BAP1: variants seen among roughly 807,000 people sequenced by gnomAD.
BAP1 encodes the protein BRCA1 associated deubiquitinase 1, also known as ubiquitin carboxyl-terminal hydrolase BAP1.
Under a neutral mutation model 77.2 loss-of-function variants are expected in BAP1, and 16 were observed. That is an observed-to-expected ratio of 0.21 (90% CI 0.14 to 0.31). BAP1 has a LOEUF of 0.31. Among genes scored for constraint, BAP1 ranks in the 10% least tolerant of loss-of-function variants. BAP1 has a pLI of 1.00. For synonymous variants in BAP1, 362 were observed against 385.2 expected (o/e 0.94, Z 0.71); for missense variants, 699 against 967.3 (o/e 0.72, Z 3.68).
chr3:52,409,639 G>C (rs377477683), intron 2 of BAP1, 31 bp from the exon 3 acceptor site: 4 of 1,614,096 alleles, frequency 2.5e-6, no homozygotes, highest in Non-Finnish European at 3.4e-6. Context: ...CAGTAGGGAA[G>C]GACAGCCCCT....
chr3:52,408,826 C>A (rs1384215468), intron 3 of BAP1, among the ~76,000 whole-genome samples: 1 of 152,222 alleles, frequency 6.6e-6, no homozygotes, highest in Non-Finnish European at 1.5e-5. Flanking sequence ...AAGCCTCTGA[C>A]TGTGATGCTC....
rs878854738 is a variant in BAP1 at position 52,404,446 on chromosome 3, G to C, written c.1250+7C>G. The stretch of plus-strand genomic sequence containing the variant: ...AGAACCTGGTAGCCTTAGAAAGCTG[G>C]GCTGACCTAAGGGCAGAGTTGGTGT... On this transcript the variant is annotated splice_region_variant and intron_variant, in intron 12 of 16. Transcript: ENST00000460680. 11 of 1,614,218 alleles carry C rather than the reference G, an allele frequency of 6.8e-6. No individual in the cohort carries two copies. The highest frequency in any genetic ancestry group is 9.3e-6 in the Non-Finnish European group (11 of 1,180,040).
intron 11 of BAP1, among the ~76,000 whole-genome samples, chr3:52,404,843 T>C (rs1705098216): frequency 6.6e-6 from 1 of 152,114 alleles, no homozygotes; most frequent in South Asian, 2.1e-4. Context: ...ACCCAACCCA[T>C]GAAGTTGTAC....
Position 52,406,112 on chromosome 3 carries a change from G to T in BAP1, c.783+141C>A. 1 of 1,533,082 alleles carries T rather than the reference G, an allele frequency of 6.5e-7. No homozygotes were observed. The highest frequency in any genetic ancestry group is 8.9e-7 in the Non-Finnish European group (1 of 1,120,136). The allele number at this position is 1,533,082 out of a possible 1,614,324, so 95.0% of individuals were successfully genotyped here. On this transcript the variant is annotated intron_variant, in intron 9 of 16. Transcript: ENST00000460680. The surrounding 1 kb of genome is among the most constrained non-coding windows in gnomAD (Gnocchi z 4.6). Reference sequence around the variant, plus strand: ...CAAGTCCCACCTTTCCCACAATGGGGGCAAAGAAAAGATGTGGTTAGCTGA... The same window carrying T: ...CAAGTCCCACCTTTCCCACAATGGGTGCAAAGAAAAGATGTGGTTAGCTGA...
Position 52,404,468 on chromosome 3 carries a change from G to A in BAP1, c.1235C>T (p.Thr412Ile), listed in dbSNP as rs760363108. ...EDDEEDDVQN[T>I]NSALRYKGKG... ...CTGGGCTGACCTAAGGGCAGAGTTGGTGTTCTGCACGTCATCCTCCTCGTC... is the reference window on the plus strand; with the variant it reads ...CTGGGCTGACCTAAGGGCAGAGTTGATGTTCTGCACGTCATCCTCCTCGTC... The change falls in exon 12 of 17, where the codon ACC becomes ATC. Residue 412 changes from threonine (T) to isoleucine (I), a missense_variant. By Grantham distance (89) the Thr-to-Ile change is moderately conservative. This residue lies in a region of BAP1 where 475 missense variants were observed against 532.4 expected (regional missense o/e 0.89). Coordinates refer to ENST00000460680, the MANE Select transcript of BAP1 (RefSeq NM_004656.4). 7 of 1,614,222 alleles carry A rather than the reference G, an allele frequency of 4.3e-6. No individual in the cohort carries two copies. Among genetic ancestry groups the A allele is most frequent in the Non-Finnish European group, 5.9e-6 (7 of 1,180,040 alleles).
Position 52,406,560 on chromosome 3 carries a change from T to C in BAP1, c.660-184A>G. On this transcript the variant is annotated intron_variant, in intron 8 of 16. Coordinates refer to ENST00000460680, the MANE Select transcript of BAP1 (RefSeq NM_004656.4). This position sits in a 1 kb window ranked among gnomAD's most constrained non-coding sequence, Gnocchi z 4.6. The stretch of plus-strand genomic sequence containing the variant: ...CCTGAGCTGGTACCTTCCAACAAGC[T>C]GTATGAGGGGCCTATCTGGAAGTGA... 1 of 994,878 alleles carries C rather than the reference T, an allele frequency of 1.0e-6. No individual in the cohort carries two copies. Among genetic ancestry groups the C allele is most frequent in the Admixed American group, 2.0e-5 (1 of 48,842 alleles). 61.6% of individuals were successfully genotyped at this position (994,878 alleles called of 1,614,324 possible).
chr3:52,405,981 C>T (rs774407753), intron 9 of BAP1, 69 bp from the exon 10 acceptor site: 10 of 1,603,604 alleles, frequency 6.2e-6, no homozygotes, highest in Non-Finnish European at 8.5e-6. Flanking sequence ...TAGCTAAGGG[C>T]TGAGGACCTA....
chr3:52,404,924 C>T (rs532982374), intron 11 of BAP1, among the ~76,000 whole-genome samples, 186 bp downstream of exon 11: 3 of 152,346 alleles, frequency 2.0e-5, no homozygotes, highest in South Asian at 4.1e-4. Context: ...GCTCTCCCTG[C>T]CTCCCTAAGC....
Position 52,405,898 on chromosome 3 carries a change from T to C in BAP1, c.798A>G (p.Thr266=), listed in dbSNP as rs1705141974. 6.2e-7 allele frequency: 1 copy of C among 1,613,972 alleles called. No homozygotes were observed. The highest frequency in any genetic ancestry group is 1.3e-5 in the African/African-American group (1 of 74,922). Reference sequence around the variant, plus strand: ...TGTGGGTCTGAATCAGCTCTGGCTGTGTTACTCTTATCAGCTAACAACAGA... The same window carrying C: ...TGTGGGTCTGAATCAGCTCTGGCTGCGTTACTCTTATCAGCTAACAACAGA... ...LEALQQLIRV[T]QPELIQTHKS... is the part of the protein sequence containing the mutation. Residue 266 remains threonine, a synonymous_variant, in exon 10 of 17, where the codon ACA becomes ACG. Transcript: ENST00000460680.
In BAP1 at chr3:52,406,057, C is replaced by T. The variant is rs1442689757; in HGVS notation, c.784-145G>A. ...AAATAAAACACCCAAACCCAAACTT[C>T]CTTTTAGAAGCTATTCTCCCTCCCC... is the stretch of plus-strand genomic sequence containing the variant. On this transcript the variant is annotated intron_variant, in intron 9 of 16. Coordinates refer to ENST00000460680, the MANE Select transcript of BAP1 (RefSeq NM_004656.4). The surrounding 1 kb of genome is among the most constrained non-coding windows in gnomAD (Gnocchi z 4.6). 1.3e-6 allele frequency: 2 copies of T among 1,494,370 alleles called. No homozygotes were observed. The highest frequency in any genetic ancestry group is 1.4e-5 in the African/African-American group (1 of 72,414). 92.6% of individuals were successfully genotyped at this position (1,494,370 alleles called of 1,614,324 possible). A position where few individuals can be genotyped will look rare whatever the true frequency, so the allele number is the denominator to read the frequency against.
At position 52,402,039 on chromosome 3, in the gene BAP1, G is replaced by A; in HGVS notation, c.*249C>T. On this transcript the variant is annotated 3_prime_UTR_variant, in exon 17 of 17. Transcript: ENST00000460680. The surrounding 1 kb of genome is among the most constrained non-coding windows in gnomAD (Gnocchi z 5.3). ...GTCCTGCTGCTCCACAGCCGGCTGT[G>A]GAGGAAGCTGCAGTACCTCGCTGTG... 1.6e-6 allele frequency: 1 copy of A among 622,514 alleles called. No individual in the cohort carries two copies. The highest frequency in any genetic ancestry group is 2.8e-6 in the Non-Finnish European group (1 of 361,934). The allele number at this position is 622,514 out of a possible 1,614,324, so 38.6% of individuals were successfully genotyped here.
At position 52,407,395 on chromosome 3, in the gene BAP1, AC is replaced by A. The variant is rs757063339; in HGVS notation, c.437+3del. 6.2e-7 allele frequency: 1 copy of A among 1,614,160 alleles called. No individual in the cohort carries two copies. The highest frequency in any genetic ancestry group is 1.6e-4 in the Middle Eastern group (1 of 6,062). On this transcript the variant is annotated splice_donor_region_variant and intron_variant, in intron 6 of 16. Transcript: ENST00000460680. Reference sequence around the variant, plus strand: ...CCACATCAGCTCCCACAGCTCCCACACACCTGGCATGGCTATTATGGGCCTT... The same window carrying A: ...CCACATCAGCTCCCACAGCTCCCACAACCTGGCATGGCTATTATGGGCCTT...
rs2153227540 is a variant in BAP1 at position 52,406,435 on chromosome 3, A to T, written c.660-59T>A. On this transcript the variant is annotated intron_variant, in intron 8 of 16. Transcript: ENST00000460680. This position sits in a 1 kb window ranked among gnomAD's most constrained non-coding sequence, Gnocchi z 4.6. ...CCGCCCCGGCCCCGCCATCAGGTTGAGGCAGATATCCTGGCAGGGCTCCCT... is the reference window on the plus strand; with the variant it reads ...CCGCCCCGGCCCCGCCATCAGGTTGTGGCAGATATCCTGGCAGGGCTCCCT... 1 of 1,606,066 alleles carries T rather than the reference A, an allele frequency of 6.2e-7. No homozygotes were observed.
In BAP1 at chr3:52,401,898, A is replaced by G. The variant is rs1704967164; in HGVS notation, c.*390T>C. 1 of 375,990 alleles carries G rather than the reference A, an allele frequency of 2.7e-6. No individual in the cohort carries two copies. Among genetic ancestry groups the G allele is most frequent in the Non-Finnish European group, 5.0e-6 (1 of 201,492 alleles). 23.3% of individuals were successfully genotyped at this position (375,990 alleles called of 1,614,324 possible). A position where few individuals can be genotyped will look rare whatever the true frequency, so the allele number is the denominator to read the frequency against. ...CCACCAGGACAGCTCCTAGGAGAGA[A>G]AGCATAGTCAGGTAGGAACTTATGT... is the stretch of plus-strand genomic sequence containing the variant. On this transcript the variant is annotated 3_prime_UTR_variant, in exon 17 of 17. Transcript: ENST00000460680.
At chr3:52,407,081 G>T in intron 7 of BAP1, 93 bp downstream of exon 7, 1 of 1,596,378 alleles carries the variant, frequency 6.3e-7, no homozygotes, top group South Asian at 1.1e-5. Flanking sequence ...GACAACCCCT[G>T]CCACTGGGTA....
At position 52,406,574 on chromosome 3, in the gene BAP1, A is replaced by G. The variant is rs888839708; in HGVS notation, c.660-198T>C. On this transcript the variant is annotated intron_variant, in intron 8 of 16. Coordinates refer to ENST00000460680, the MANE Select transcript of BAP1 (RefSeq NM_004656.4). This position sits in a 1 kb window ranked among gnomAD's most constrained non-coding sequence, Gnocchi z 4.6. ...TTCCAACAAGCTGTATGAGGGGCCT[A>G]TCTGGAAGTGAACCAGCAGACCTGG... 7.4e-6 allele frequency: 7 copies of G among 942,402 alleles called. No homozygotes were observed. The Admixed American group carries it at 1.0e-4, about 14-fold the overall frequency. The allele number at this position is 942,402 out of a possible 1,614,324, so 58.4% of individuals were successfully genotyped here. A position where few individuals can be genotyped will look rare whatever the true frequency, so the allele number is the denominator to read the frequency against.
In BAP1 at chr3:52,403,525, A is replaced by G. The variant is rs2153226635; in HGVS notation, c.1620T>C (p.Arg540=). 6.2e-7 allele frequency: 1 copy of G among 1,614,078 alleles called. No individual in the cohort carries two copies. The highest frequency in any genetic ancestry group is 1.6e-4 in the Middle Eastern group (1 of 6,062). The change falls in exon 13 of 17, where the codon CGT becomes CGC. Residue 540 remains arginine (R), a synonymous_variant. Transcript: ENST00000460680. The surrounding 1 kb of genome is among the most constrained non-coding windows in gnomAD (Gnocchi z 4.0). The part of the protein sequence containing the change: ...VLFGEDDSLL[R]VDCIRYNRAV... ...CACGGTTGTAGCGTATGCAGTCAAC[A>G]CGCAGCAGGCTGTCATCCTCTCCAA... is the stretch of plus-strand genomic sequence containing the variant.
chr3:52,406,108 T>C lies in BAP1; in HGVS notation c.783+145A>G. On this transcript the variant is annotated intron_variant, in intron 9 of 16. Transcript: ENST00000460680. This position sits in a 1 kb window ranked among gnomAD's most constrained non-coding sequence, Gnocchi z 4.6. ...ACTCCAAGTCCCACCTTTCCCACAA[T>C]GGGGGCAAAGAAAAGATGTGGTTAG... The C allele has an allele frequency of 1.3e-6, 2 of 1,526,788 alleles. No individual in the cohort carries two copies. The highest frequency in any genetic ancestry group is 1.8e-6 in the Non-Finnish European group (2 of 1,115,986). 94.6% of individuals were successfully genotyped at this position (1,526,788 alleles called of 1,614,324 possible).
Position 52,409,825 on chromosome 3 carries a change from C to G in BAP1, c.37+17G>C, listed in dbSNP as rs1156899717. Reference sequence around the variant, plus strand: ...TCCGGCCTCCCCAGCCCCTGGCCCTCCCGGTCCCCTCCTCACCTGGGTCGC... The same window carrying G: ...TCCGGCCTCCCCAGCCCCTGGCCCTGCCGGTCCCCTCCTCACCTGGGTCGC... On this transcript the variant is annotated intron_variant, in intron 1 of 16. Transcript: ENST00000460680. The G allele has an allele frequency of 6.2e-6, 10 of 1,612,768 alleles. No individual in the cohort carries two copies. Among genetic ancestry groups the G allele is most frequent in the Non-Finnish European group, 8.5e-6 (10 of 1,179,918 alleles).
Sources: gnomAD v4.1 joint callset for allele counts (sites outside exome capture counted in the v4.1 genomes callset) on GRCh38, gnomAD v4.1.1 for gene constraint, gnomAD v4.1.1 regional missense constraint, Gnocchi (gnomAD v3.1) non-coding constraint, MANE v1.5 for transcripts, NCBI Gene and HGNC (gene_info 2026-07-23, HGNC 2026-07-21) for gene names.